KCNQ1: variants seen among roughly 807,000 people sequenced by gnomAD.
The protein encoded by KCNQ1 is potassium voltage-gated channel subfamily KQT member 1.
A neutral mutation model predicts 72.4 loss-of-function variants in KCNQ1; 49 were observed. The observed-to-expected ratio is 0.68, with a 90% CI of 0.54 to 0.86. KCNQ1 has a LOEUF of 0.86. Among genes scored for constraint, KCNQ1 ranks in the 40% least tolerant of loss-of-function variants. The pLI, the probability that KCNQ1 is intolerant of heterozygous loss-of-function variation, is 0.00. For synonymous variants in KCNQ1, 450 were observed against 412.6 expected, an observed-to-expected ratio of 1.09 and a Z score of -1.10; for missense variants, 790 against 945.1, an observed-to-expected ratio of 0.84 and a Z score of 2.15.
At chr11:2,529,007 CTG>C (rs1847562872) in intron 2 of KCNQ1, among the ~76,000 whole-genome samples, 2 of 152,228 alleles carry the variant, frequency 1.3e-5, no homozygotes, top group South Asian at 4.1e-4. Flanking sequence ...ACCAGGTTAA[CTG>C]TGTGTGCTCC....
intron 6 of KCNQ1, 64 bp from the exon 7 acceptor site, chr11:2,583,371 A>C: frequency 3.6e-6 from 4 of 1,121,672 alleles, no homozygotes; most frequent in Admixed American, 3.4e-5. Flanking sequence ...GGTTTGGGTT[A>C]GGCAGTTGGC....
chr11:2,619,868 T>A (rs963371376), intron 10 of KCNQ1: 21 of 398,426 alleles, frequency 5.3e-5, no homozygotes, highest in Non-Finnish European at 8.0e-5. Flanking sequence ...TTAACTTTTA[T>A]TTTTGATTTA....
At chr11:2,628,727 G>A in intron 10 of KCNQ1, 1 of 398,350 alleles carries the variant, frequency 2.5e-6, no homozygotes, top group Non-Finnish European at 4.4e-6. Context: ...ATGGCAAGGA[G>A]CTTTTCCCTG....
intron 11 of KCNQ1, among the ~76,000 whole-genome samples, chr11:2,732,023 T>A (rs1006303940): frequency 6.6e-6 from 1 of 152,166 alleles, no homozygotes; most frequent in Non-Finnish European, 1.5e-5. Context: ...TGTTCCTTCC[T>A]CCCCCTTCAG....
intron 10 of KCNQ1, chr11:2,646,027 C>A: frequency 2.5e-6 from 1 of 398,616 alleles, no homozygotes; most frequent in Non-Finnish European, 4.4e-6. Flanking sequence ...CACTTACTTA[C>A]CTTTCTGCAC....
At chr11:2,570,450 C>T (rs1005348761) in intron 2 of KCNQ1, among the ~76,000 whole-genome samples, 178 bp from the exon 3 acceptor site, 4 of 152,200 alleles carry the variant, frequency 2.6e-5, no homozygotes, top group African/African-American at 9.6e-5. Context: ...GCTGCTCAGC[C>T]TTCCAGGGCC....
intron 11 of KCNQ1, among the ~76,000 whole-genome samples, chr11:2,744,948 G>A (rs966601921): frequency 2.0e-5 from 3 of 152,016 alleles, no homozygotes; most frequent in Non-Finnish European, 2.9e-5. Context: ...GTGTGTTCCC[G>A]AGTATACAAG....
At position 2,571,464 on chromosome 11, in the gene KCNQ1, C is replaced by CCG. The variant is rs769030380; in HGVS notation, c.683+64_683+65dup. 2.4e-4 allele frequency: 345 copies of CCG among 1,429,044 alleles called. 1 individual carries two copies. In the Middle Eastern group the frequency reaches 2.6e-3, roughly 11 times the overall value. 88.5% of individuals were successfully genotyped at this position (1,429,044 alleles called of 1,614,324 possible). ...CCCCACCCCGAGCACCCCTCCTGAG[C>CCG]CGCGGGTGGTCTCACGCCCCATCCA... On this transcript the variant is annotated intron_variant, in intron 4 of 15. Transcript: ENST00000155840.
chr11:2,647,922 T>C lies in KCNQ1; in HGVS notation c.1394-14039T>C. On this transcript the variant is annotated intron_variant, in intron 10 of 15. Coordinates refer to ENST00000155840, the MANE Select transcript of KCNQ1 (RefSeq NM_000218.3). This position sits in a 1 kb window ranked among gnomAD's most constrained non-coding sequence, Gnocchi z 4.0. The stretch of plus-strand genomic sequence containing the variant: ...TTATTGATTTTCTCTTTTCAAAAAA[T>C]CAGTTTTTTGGCTGGGTTTGTTGGC... 1 of 398,382 alleles carries C rather than the reference T, an allele frequency of 2.5e-6. No homozygotes were observed. The highest frequency in any genetic ancestry group is 4.4e-6 in the Non-Finnish European group (1 of 226,030). 24.7% of individuals were successfully genotyped at this position (398,382 alleles called of 1,614,324 possible). A position where few individuals can be genotyped will look rare whatever the true frequency, so the allele number is the denominator to read the frequency against.
Position 2,588,639 on chromosome 11 carries a change from G to C in KCNQ1, c.1252-74G>C, listed in dbSNP as rs1848627437. The C allele has an allele frequency of 1.3e-6, 2 of 1,593,722 alleles. No homozygotes were observed. The highest frequency in any genetic ancestry group is 1.7e-6 in the Non-Finnish European group (2 of 1,168,348). ...GGGCTGGGCTCGGGGCGGCTGCACAGGCACTCTGGGGCCGGCGTAGGGCCT... is the reference window on the plus strand; with the variant it reads ...GGGCTGGGCTCGGGGCGGCTGCACACGCACTCTGGGGCCGGCGTAGGGCCT... On this transcript the variant is annotated intron_variant, in intron 9 of 15. Transcript: ENST00000155840. This position sits in a 1 kb window ranked among gnomAD's most constrained non-coding sequence, Gnocchi z 5.6.
rs571521106 is a variant in KCNQ1, at chr11:2,682,454, G to A, written c.1514+20373G>A. ...GCTTAATCCATATGGAGCCTGTCAC[G>A]GACCCTCAGTGAATGTTTGACGAGT... On this transcript the variant is annotated intron_variant, in intron 11 of 15. Coordinates refer to ENST00000155840, the MANE Select transcript of KCNQ1 (RefSeq NM_000218.3). The surrounding 1 kb of genome is among the most constrained non-coding windows in gnomAD (Gnocchi z 5.8). 1.0e-5 allele frequency: 4 copies of A among 395,752 alleles called. No homozygotes were observed. The highest frequency in any genetic ancestry group is 4.2e-5 in the African/African-American group (2 of 47,226). 24.5% of individuals were successfully genotyped at this position (395,752 alleles called of 1,614,324 possible).
Position 2,659,740 on chromosome 11 carries a change from C to G in KCNQ1, c.1394-2221C>G, listed in dbSNP as rs1849916931. 2.5e-6 allele frequency: 1 copy of G among 398,298 alleles called. No individual in the cohort carries two copies. Among genetic ancestry groups the G allele is most frequent in the Admixed American group, 4.4e-5 (1 of 22,708 alleles). 24.7% of individuals were successfully genotyped at this position (398,298 alleles called of 1,614,324 possible). A position where few individuals can be genotyped will look rare whatever the true frequency, so the allele number is the denominator to read the frequency against. ...TAACATATGAGAGTTCTACATGTTC[C>G]ACATCCTCAAGAGTGGTTGGTATTG... On this transcript the variant is annotated intron_variant, in intron 10 of 15. Transcript: ENST00000155840. The surrounding 1 kb of genome is among the most constrained non-coding windows in gnomAD (Gnocchi z 4.3).
rs1021837549 is a variant in KCNQ1 at position 2,647,262 on chromosome 11, T to C, written c.1394-14699T>C. 7 of 398,562 alleles carry C rather than the reference T, an allele frequency of 1.8e-5. No individual in the cohort carries two copies. Among genetic ancestry groups the C allele is most frequent in the African/African-American group, 1.4e-4 (7 of 48,772 alleles). 24.7% of individuals were successfully genotyped at this position (398,562 alleles called of 1,614,324 possible). A position where few individuals can be genotyped will look rare whatever the true frequency, so the allele number is the denominator to read the frequency against. On this transcript the variant is annotated intron_variant, in intron 10 of 15. Coordinates refer to ENST00000155840, the MANE Select transcript of KCNQ1 (RefSeq NM_000218.3). This position sits in a 1 kb window ranked among gnomAD's most constrained non-coding sequence, Gnocchi z 4.0. ...ATTTTTTTGTCCTTCCTTCTGTTAA[T>C]GTGATGTATCACATTTATTGATTTG...
rs534812650 is a variant in KCNQ1, at chr11:2,550,888, G to T, written c.478-19740G>T. 3.3e-5 allele frequency among the ~76,000 whole-genome samples: 5 copies of T among 152,026 alleles called. No individual in the cohort carries two copies. The highest frequency in any genetic ancestry group is 7.4e-5 in the Non-Finnish European group (5 of 67,986). On this transcript the variant is annotated intron_variant, in intron 2 of 15. Coordinates refer to ENST00000155840, the MANE Select transcript of KCNQ1 (RefSeq NM_000218.3). This position sits in a 1 kb window ranked among gnomAD's most constrained non-coding sequence, Gnocchi z 6.0. ...TGGGGAGGCTGCCAAGTGAGGGGGG[G>T]GCACAGACTGAGACAGGGTCCCCGT...
At chr11:2,681,344 T>G in intron 11 of KCNQ1, 1 of 398,522 alleles carries the variant, frequency 2.5e-6, no homozygotes, top group Non-Finnish European at 4.4e-6. Context: ...CGTCTTTTCC[T>G]TGTAGCTCCC....
rs1846612109 is a variant in KCNQ1 at position 2,478,849 on chromosome 11, C to G, written c.386+33365C>G. 6.6e-6 allele frequency among the ~76,000 whole-genome samples: 1 copy of G among 152,210 alleles called. No homozygotes were observed. Among genetic ancestry groups the G allele is most frequent in the South Asian group, 2.1e-4 (1 of 4,826 alleles). ...CTGAGACCAGGCAAGTCCCTTCCAC[C>G]TATGAGCCTGTAAAATCAAAAGCAA... On this transcript the variant is annotated intron_variant, in intron 1 of 15. Transcript: ENST00000155840. This position sits in a 1 kb window ranked among gnomAD's most constrained non-coding sequence, Gnocchi z 4.0.
Position 2,617,491 on chromosome 11 carries a change from C to T in KCNQ1, c.1393+28637C>T, listed in dbSNP as rs1373953475. On this transcript the variant is annotated intron_variant, in intron 10 of 15. Coordinates refer to ENST00000155840, the MANE Select transcript of KCNQ1 (RefSeq NM_000218.3). This position sits in a 1 kb window ranked among gnomAD's most constrained non-coding sequence, Gnocchi z 4.6. ...TCAATGGACACGTAAGTTTTCATAT[C>T]GTGACTCATGCATATAATGCCACAA... The T allele has an allele frequency of 1.0e-5, 4 of 398,388 alleles. No homozygotes were observed. The highest frequency in any genetic ancestry group is 1.8e-5 in the Non-Finnish European group (4 of 225,958). The allele number at this position is 398,388 out of a possible 1,614,324, so 24.7% of individuals were successfully genotyped here.
rs986955618 is a variant in KCNQ1, at chr11:2,784,728, CAT to C, written c.1794+6695_1794+6696del. On this transcript the variant is annotated intron_variant, in intron 15 of 15. Transcript: ENST00000155840. This position sits in a 1 kb window ranked among gnomAD's most constrained non-coding sequence, Gnocchi z 4.7. The stretch of plus-strand genomic sequence containing the variant: ...TTCAGTGATATTTTGCAGTTTGGGG[CAT>C]ATAAATTTGGTACTTCTTTTGTTAC... 6.6e-6 allele frequency among the ~76,000 whole-genome samples: 1 copy of C among 151,880 alleles called. No individual in the cohort carries two copies. Among genetic ancestry groups the C allele is most frequent in the Non-Finnish European group, 1.5e-5 (1 of 67,808 alleles).
At position 2,611,705 on chromosome 11, in the gene KCNQ1, G is replaced by T; in HGVS notation, c.1393+22851G>T. ...TATTGAGTTTTTAATTCACTTATAT[G>T]TAATATAATTATTGATATGGAAGGA... On this transcript the variant is annotated intron_variant, in intron 10 of 15. Transcript: ENST00000155840. The surrounding 1 kb of genome is among the most constrained non-coding windows in gnomAD (Gnocchi z 5.3). The T allele has an allele frequency of 5.0e-6, 2 of 398,388 alleles. No individual in the cohort carries two copies. Among genetic ancestry groups the T allele is most frequent in the Non-Finnish European group, 8.8e-6 (2 of 226,026 alleles). 24.7% of individuals were successfully genotyped at this position (398,388 alleles called of 1,614,324 possible).
Sources: gnomAD v4.1 joint callset for allele counts (sites outside exome capture counted in the v4.1 genomes callset) on GRCh38, gnomAD v4.1.1 for gene constraint, Gnocchi (gnomAD v3.1) non-coding constraint, MANE v1.5 for transcripts, NCBI Gene and HGNC (gene_info 2026-07-23, HGNC 2026-07-21) for gene names.